The following CLEC16A variants were observed in gnomAD, a reference collection of about 807,000 sequenced individuals.
CLEC16A encodes protein CLEC16A.
CLEC16A carries 51 observed loss-of-function variants against 109.5 expected under a neutral mutation model. The observed-to-expected ratio is 0.47, with a 90% CI of 0.37 to 0.59. The LOEUF (loss-of-function observed/expected upper bound fraction) is 0.59. Ranked by LOEUF, CLEC16A falls within the 20% of genes least tolerant of loss-of-function variation. CLEC16A has a pLI of 0.00. For synonymous variants in CLEC16A, 673 were observed against 564.2 expected, an observed-to-expected ratio of 1.19 and a Z score of -2.73; for missense variants, 1,339 against 1,394.0, an observed-to-expected ratio of 0.96 and a Z score of 0.63.
chr16:11,038,943 G>A (rs543542563), intron 13 of CLEC16A, among the ~76,000 whole-genome samples: 8 of 152,294 alleles, frequency 5.3e-5, no homozygotes, highest in African/African-American at 1.9e-4. Context: ...TCCTACATGT[G>A]TTGAGGGTGG....
At chr16:11,140,231 G>A (rs1036854063) in intron 22 of CLEC16A, among the ~76,000 whole-genome samples, 1 of 152,290 alleles carries the variant, frequency 6.6e-6, no homozygotes, top group South Asian at 2.1e-4. Flanking sequence ...TGGGTCTCCG[G>A]TGCTGGGTTC....
intron 7 of CLEC16A, 53 bp downstream of exon 7, chr16:10,973,114 A>G: frequency 6.5e-7 from 1 of 1,536,184 alleles, no homozygotes; most frequent in Non-Finnish European, 8.8e-7. Context: ...GTTAGGGGAG[A>G]ATTCTGTTTT....
At chr16:11,120,821 C>A (rs2052352034) in intron 20 of CLEC16A, 55 bp downstream of exon 20, 1 of 1,230,468 alleles carries the variant, frequency 8.1e-7, no homozygotes, top group Non-Finnish European at 1.1e-6. Context: ...AACACACACA[C>A]ACACACACAC....
At chr16:11,042,059 G>A (rs2047365481) in intron 14 of CLEC16A, 195 bp from the exon 15 acceptor site, 3 of 564,142 alleles carry the variant, frequency 5.3e-6, no homozygotes, top group Admixed American at 3.1e-5. Flanking sequence ...TAGTTTTGAT[G>A]GAGAACATTG....
intron 18 of CLEC16A, 67 bp downstream of exon 18, chr16:11,051,708 G>C: frequency 3.2e-6 from 5 of 1,582,042 alleles, no homozygotes; most frequent in Non-Finnish European, 4.3e-6. Flanking sequence ...AGACCAGGGA[G>C]GAAAGGGCTT....
At chr16:11,119,629 C>T (rs569326032) in intron 19 of CLEC16A, among the ~76,000 whole-genome samples, 8 of 151,966 alleles carry the variant, frequency 5.3e-5, no homozygotes, top group African/African-American at 1.9e-4. Context: ...TGAGCTGAAG[C>T]GATCCTCCCT....
At chr16:11,118,340 A>G (rs1003732375) in intron 19 of CLEC16A, among the ~76,000 whole-genome samples, 1 of 149,582 alleles carries the variant, frequency 6.7e-6, no homozygotes, top group Non-Finnish European at 1.5e-5. Flanking sequence ...GCCTTTTCTC[A>G]TTTAACGCAC....
At chr16:11,039,936 C>T (rs763424263) in intron 14 of CLEC16A, 60 bp downstream of exon 14, 7 of 1,569,710 alleles carry the variant, frequency 4.5e-6, no homozygotes, top group Non-Finnish European at 5.2e-6. Flanking sequence ...GCAGACCCCA[C>T]TGGGAGCCTG....
At chr16:11,138,614 C>G (rs1309444795) in intron 22 of CLEC16A, among the ~76,000 whole-genome samples, 2 of 152,208 alleles carry the variant, frequency 1.3e-5, no homozygotes, top group African/African-American at 4.8e-5. Flanking sequence ...AGAAAAGTCC[C>G]ACAGGCTGGG....
chr16:11,167,809 T>C (rs926269616), intron 23 of CLEC16A, among the ~76,000 whole-genome samples: 2 of 152,236 alleles, frequency 1.3e-5, no homozygotes, highest in Admixed American at 1.3e-4. Context: ...TAAGGTTGGC[T>C]GCACATCCAA....
chr16:10,968,065 G>A (rs529463860), intron 3 of CLEC16A, among the ~76,000 whole-genome samples: 5 of 152,368 alleles, frequency 3.3e-5, no homozygotes, highest in East Asian at 1.9e-4. Context: ...TGTGAATCGT[G>A]TTCTGCCTTT....
At chr16:11,121,614 T>C (rs2052414474) in intron 20 of CLEC16A, among the ~76,000 whole-genome samples, 1 of 151,836 alleles carries the variant, frequency 6.6e-6, no homozygotes, top group Non-Finnish European at 1.5e-5. Context: ...ACGTGGTGGC[T>C]CGTGTCTGTA....
chr16:11,123,979 G>T lies in CLEC16A; in HGVS notation c.2473+33G>T. On this transcript the variant is annotated intron_variant, in intron 21 of 23. Transcript: ENST00000409790. ...GCTGGACCCTGGCAGGGCATCCTCT[G>T]AGCACTTGGTGGGTCAGGGCTGTTT... The T allele has an allele frequency of 1.3e-6, 2 of 1,561,626 alleles. 1 individual carries two copies. The highest frequency in any genetic ancestry group is 4.8e-5 in the East Asian group (2 of 41,650).
At position 11,172,376 on chromosome 16, in the gene CLEC16A, CA is replaced by C. The variant is rs1469010083; in HGVS notation, c.2806+5825del. Among the ~76,000 whole-genome samples the C allele has an allele frequency of 2.6e-5, 4 of 152,168 alleles. No homozygotes were observed. The East Asian group carries it at 7.7e-4, about 29-fold the overall frequency. On this transcript the variant is annotated intron_variant, in intron 23 of 23. Transcript: ENST00000409790. ...GATGCCGATAGGAAAACCATCTCCT[CA>C]GATAAGAACTCTGACCTACAGTGAG...
intron 19 of CLEC16A, among the ~76,000 whole-genome samples, chr16:11,067,903 C>T (rs947605445): frequency 8.5e-5 from 13 of 152,202 alleles, no homozygotes; most frequent in Admixed American, 6.5e-5. Context: ...CAGTTGGATC[C>T]GGCGTGTTCT....
chr16:11,130,643 T>A (rs149474858), intron 22 of CLEC16A, among the ~76,000 whole-genome samples: 54 of 152,314 alleles, frequency 3.5e-4, no homozygotes, highest in African/African-American at 1.3e-3. Context: ...TACTGTGACA[T>A]GTCACCATTG....
At chr16:11,136,866 G>A (rs986820988) in intron 22 of CLEC16A, among the ~76,000 whole-genome samples, 3 of 152,214 alleles carry the variant, frequency 2.0e-5, no homozygotes, top group South Asian at 2.1e-4. Context: ...GCAGTCCCCC[G>A]GAGCCTCACA....
chr16:11,037,839 T>G (rs894001836), intron 13 of CLEC16A, among the ~76,000 whole-genome samples: 35 of 121,860 alleles, frequency 2.9e-4, no homozygotes, highest in African/African-American at 1.0e-3. Flanking sequence ...GGCCAGAAAT[T>G]AACGAGTAGA....
chr16:11,140,770 G>A (rs948941114), intron 22 of CLEC16A, among the ~76,000 whole-genome samples: 8 of 152,292 alleles, frequency 5.3e-5, no homozygotes, highest in African/African-American at 1.7e-4. Flanking sequence ...CAGCCCTGCC[G>A]AGGAAGCCAT....
Sources: allele counts gnomAD v4.1 joint callset (sites outside exome capture counted in the v4.1 genomes callset), GRCh38; gene constraint gnomAD v4.1.1; transcripts MANE v1.5; gene names NCBI Gene and HGNC (gene_info 2026-07-23, HGNC 2026-07-21).